NECTIN1: variants seen among roughly 807,000 people sequenced by gnomAD.
The protein encoded by NECTIN1 is nectin cell adhesion molecule 1.
NECTIN1 carries 23 observed loss-of-function variants against 48.0 expected under a neutral mutation model. That is an observed-to-expected ratio of 0.48 (90% CI 0.34 to 0.68). NECTIN1 has a LOEUF of 0.68. Among genes scored for constraint, NECTIN1 ranks in the 30% least tolerant of loss-of-function variants. The pLI is 0.01. For missense variants in NECTIN1, 591 were observed against 709.9 expected, an observed-to-expected ratio of 0.83 and a Z score of 1.90; for synonymous variants, 270 against 288.9, an observed-to-expected ratio of 0.93 and a Z score of 0.66.
intron 1 of NECTIN1, among the ~76,000 whole-genome samples, chr11:119,681,201 A>G (rs967907311): frequency 3.9e-5 from 6 of 151,996 alleles, no homozygotes; most frequent in African/African-American, 1.5e-4. Flanking sequence ...GGTGCTCCCC[A>G]CCCCTCCCCC....
chr11:119,722,074 T>C (rs1865841388), intron 1 of NECTIN1, among the ~76,000 whole-genome samples: 1 of 152,238 alleles, frequency 6.6e-6, no homozygotes. Flanking sequence ...CCATTCCCGA[T>C]CTTTTCATCC....
At position 119,663,085 on chromosome 11, in the gene NECTIN1, G is replaced by A. The variant is rs1864696446; in HGVS notation, c.*1662C>T. ...TGGCAGGGTGGGTCAGTGCCCGTGG[G>A]GCACAGAGTGGTCTGCCTCCCTCCT... On this transcript the variant is annotated 3_prime_UTR_variant, in exon 6 of 6. Coordinates refer to ENST00000264025, the MANE Select transcript of NECTIN1 (RefSeq NM_002855.5). 7.1e-6 allele frequency: 7 copies of A among 985,438 alleles called. No homozygotes were observed. Among genetic ancestry groups the A allele is most frequent in the Non-Finnish European group, 7.2e-6 (6 of 829,940 alleles). 61.0% of individuals were successfully genotyped at this position (985,438 alleles called of 1,614,324 possible).
rs144211658 is a variant in NECTIN1 at position 119,672,711 on chromosome 11, C to T, written c.1003+2448G>A. On this transcript the variant is annotated intron_variant, in intron 5 of 5. Coordinates refer to ENST00000264025, the MANE Select transcript of NECTIN1 (RefSeq NM_002855.5). This position sits in a 1 kb window ranked among gnomAD's most constrained non-coding sequence, Gnocchi z 4.3. ...TGTGGCCAACAGAGAGAAGGCCTTGCTCCTTCCTCCCTGCCCACTCTGCTC... is the reference window on the plus strand; with the variant it reads ...TGTGGCCAACAGAGAGAAGGCCTTGTTCCTTCCTCCCTGCCCACTCTGCTC... Among the ~76,000 whole-genome samples, 2 of 152,316 alleles carry T rather than the reference C, an allele frequency of 1.3e-5. No individual in the cohort carries two copies. The highest frequency in any genetic ancestry group is 2.1e-4 in the South Asian group (1 of 4,828).
At chr11:119,639,327 G>T (rs1379427899) in intron 6 of NECTIN1, among the ~76,000 whole-genome samples, 2 of 152,170 alleles carry the variant, frequency 1.3e-5, no homozygotes, top group Non-Finnish European at 2.9e-5. Flanking sequence ...GGAAAAGTCA[G>T]TTATTCTAAT....
chr11:119,668,592 T>G (rs1298865593), intron 5 of NECTIN1, among the ~76,000 whole-genome samples: 3 of 152,234 alleles, frequency 2.0e-5, no homozygotes, highest in African/African-American at 7.2e-5. Context: ...CCGATTGCAC[T>G]TCTCCAGCCC....
intron 5 of NECTIN1, chr11:119,642,349 G>C (rs1466187146): frequency 1.6e-4 from 25 of 152,244 alleles, no homozygotes; most frequent in Admixed American, 1.6e-3. Context: ...AGAGGGCTAG[G>C]GTGGGAGGGG....
intron 1 of NECTIN1, among the ~76,000 whole-genome samples, chr11:119,705,642 A>G (rs1033474893): frequency 6.6e-6 from 1 of 152,214 alleles, no homozygotes; most frequent in Non-Finnish European, 1.5e-5. Flanking sequence ...CCTGAGCTGG[A>G]CCATGCTGTT....
intron 1 of NECTIN1, among the ~76,000 whole-genome samples, chr11:119,693,048 C>T (rs994858412): frequency 1.3e-5 from 2 of 152,192 alleles, no homozygotes; most frequent in African/African-American, 4.8e-5. Context: ...GAGCTGACAC[C>T]TCCACCTCCC....
chr11:119,710,258 C>T (rs945981880), intron 1 of NECTIN1, among the ~76,000 whole-genome samples: 3 of 152,218 alleles, frequency 2.0e-5, no homozygotes, highest in African/African-American at 7.2e-5. Flanking sequence ...CAGGAACACG[C>T]GGGAGCAGTG....
intron 1 of NECTIN1, 79 bp downstream of exon 1, chr11:119,728,396 C>T: frequency 7.2e-7 from 1 of 1,387,294 alleles, no homozygotes; most frequent in Non-Finnish European, 1.0e-6. Context: ...CCCCACAATC[C>T]AGTCGTGCCC....
chr11:119,648,947 A>T (rs1423653424), intron 5 of NECTIN1, among the ~76,000 whole-genome samples: 3 of 152,144 alleles, frequency 2.0e-5, no homozygotes, highest in Non-Finnish European at 4.4e-5. Context: ...GCAGGAGGGC[A>T]TGGGTGGCAA....
intron 5 of NECTIN1, among the ~76,000 whole-genome samples, chr11:119,643,333 T>TG (rs1425949134): frequency 6.6e-6 from 1 of 152,226 alleles, no homozygotes; most frequent in Non-Finnish European, 1.5e-5. Context: ...TTTGCTGATT[T>TG]GGGGCATATT....
At chr11:119,710,864 G>A (rs1312850077) in intron 1 of NECTIN1, among the ~76,000 whole-genome samples, 2 of 152,088 alleles carry the variant, frequency 1.3e-5, no homozygotes, top group African/African-American at 2.4e-5. Context: ...CACAGCGCCC[G>A]CCTGTCAAAC....
At chr11:119,694,176 G>T (rs1865307269) in intron 1 of NECTIN1, among the ~76,000 whole-genome samples, 1 of 152,146 alleles carries the variant, frequency 6.6e-6, no homozygotes, top group Non-Finnish European at 1.5e-5. Flanking sequence ...CAGAGAAGGA[G>T]AGCTCTTCCA....
chr11:119,645,082 T>C (rs1864378132), intron 5 of NECTIN1, among the ~76,000 whole-genome samples: 1 of 133,862 alleles, frequency 7.5e-6, no homozygotes, highest in Non-Finnish European at 1.6e-5. Context: ...GTCTGCCCTC[T>C]GCTTGTCTCC....
At chr11:119,728,353 A>C (rs577197872) in intron 1 of NECTIN1, 122 bp downstream of exon 1, 1 of 953,068 alleles carries the variant, frequency 1.0e-6, no homozygotes, top group Non-Finnish European at 1.6e-6. Flanking sequence ...CCTTTACCCA[A>C]GCCGTGACCC....
rs1479224818 is a variant in NECTIN1, at chr11:119,677,049, CGT to C, written c.851+51_851+52del. ...GGTAGGATGGTTGCCCCTCATCACC[CGT>C]GGTCCAGTCAGCTGTCTTCCAAGGT... is the stretch of plus-strand genomic sequence containing the variant. On this transcript the variant is annotated intron_variant, in intron 4 of 5. Coordinates refer to ENST00000264025, the MANE Select transcript of NECTIN1 (RefSeq NM_002855.5). This position sits in a 1 kb window ranked among gnomAD's most constrained non-coding sequence, Gnocchi z 5.4. 6.7e-6 allele frequency: 10 copies of C among 1,487,570 alleles called. No homozygotes were observed. The highest frequency in any genetic ancestry group is 9.4e-6 in the Non-Finnish European group (10 of 1,064,906). The allele number at this position is 1,487,570 out of a possible 1,614,324, so 92.1% of individuals were successfully genotyped here. A position where few individuals can be genotyped will look rare whatever the true frequency, so the allele number is the denominator to read the frequency against.
In NECTIN1 at chr11:119,652,694, C is replaced by G. The variant is rs142397682; in HGVS notation, c.1004-12682G>C. On this transcript the variant is annotated intron_variant, in intron 5 of 7. Coordinates refer to the NECTIN1 transcript ENST00000341398. ...AAGGACGGATGGCACCAAGAGTGGGCGAGAAGCAGAGCCATGGGAACTCTC... is the reference window on the plus strand; with the variant it reads ...AAGGACGGATGGCACCAAGAGTGGGGGAGAAGCAGAGCCATGGGAACTCTC... Among the ~76,000 whole-genome samples the G allele has an allele frequency of 5.7e-3, 861 of 152,200 alleles. 2 individuals are homozygous for G. The highest frequency in any genetic ancestry group is 0.01 in the Middle Eastern group (3 of 294).
intron 1 of NECTIN1, among the ~76,000 whole-genome samples, chr11:119,713,441 C>G (rs1006074630): frequency 6.6e-6 from 1 of 152,136 alleles, no homozygotes; most frequent in Non-Finnish European, 1.5e-5. Flanking sequence ...AGTTTGACTC[C>G]TGGACTTGAG....
Sources: allele counts gnomAD v4.1 joint callset (sites outside exome capture counted in the v4.1 genomes callset), GRCh38; gene constraint gnomAD v4.1.1; non-coding constraint Gnocchi (gnomAD v3.1); transcripts MANE v1.5; gene names NCBI Gene and HGNC (gene_info 2026-07-23, HGNC 2026-07-21).